Variants in PTK7 observed in about 807,000 individuals in gnomAD.
PTK7 encodes protein tyrosine kinase 7 (inactive).
PTK7 carries 39 observed loss-of-function variants against 116.6 expected under a neutral mutation model. The observed-to-expected ratio is 0.33, with a 90% CI of 0.26 to 0.44. PTK7 has a LOEUF of 0.44. PTK7 is among the 20% of genes least tolerant of loss of function. PTK7 has a pLI of 1.00. For missense variants in PTK7, 1,169 were observed against 1,425.6 expected (o/e 0.82, Z 2.90); for synonymous variants, 546 against 563.6 (o/e 0.97, Z 0.44).
chr6:43,096,360 ACTTC>A (rs1243399535), intron 1 of PTK7, among the ~76,000 whole-genome samples: 2 of 150,806 alleles, frequency 1.3e-5, no homozygotes, highest in Non-Finnish European at 2.9e-5. Context: ...CGTTTTTGTC[ACTTC>A]CTTGCAGTTG....
In PTK7 at chr6:43,160,889, G is replaced by A. The variant is rs746154538; in HGVS notation, c.*8G>A. ...GTGGACAGCAAGCCGTGAGGAGGGAGCCCGCTCAGGATGGCCTGGGCAGGG... is the reference window on the plus strand; with the variant it reads ...GTGGACAGCAAGCCGTGAGGAGGGAACCCGCTCAGGATGGCCTGGGCAGGG... On this transcript the variant is annotated 3_prime_UTR_variant, in exon 20 of 20. Coordinates refer to ENST00000230419, the MANE Select transcript of PTK7 (RefSeq NM_002821.5). The A allele has an allele frequency of 2.2e-5, 36 of 1,613,144 alleles. No homozygotes were observed. The highest frequency in any genetic ancestry group is 3.1e-5 in the Non-Finnish European group (36 of 1,179,868).
At chr6:43,153,922 T>C (rs374281309) in intron 17 of PTK7, among the ~76,000 whole-genome samples, 2 of 151,878 alleles carry the variant, frequency 1.3e-5, no homozygotes, top group African/African-American at 4.8e-5. Context: ...ATCCAGCACT[T>C]TGGGAGGCCG....
chr6:43,109,656 G>A (rs1051591382), intron 1 of PTK7, among the ~76,000 whole-genome samples: 17 of 150,600 alleles, frequency 1.1e-4, no homozygotes, highest in African/African-American at 3.7e-4. Flanking sequence ...GGTAGAACTC[G>A]TTCTAATTTA....
chr6:43,098,083 G>T (rs1450678760), intron 1 of PTK7, among the ~76,000 whole-genome samples: 1 of 152,164 alleles, frequency 6.6e-6, no homozygotes, highest in Admixed American at 6.5e-5. Context: ...TACGGTGAGG[G>T]GGTGAGGGTC....
chr6:43,112,081 C>T (rs1768223950), intron 1 of PTK7, among the ~76,000 whole-genome samples: 1 of 152,006 alleles, frequency 6.6e-6, no homozygotes, highest in South Asian at 2.1e-4. Context: ...TATTTGAATA[C>T]AGGTAGTCTG....
In PTK7 at chr6:43,129,123, G is replaced by C; in HGVS notation, c.226G>C (p.Glu76Gln). The stretch of plus-strand genomic sequence containing the variant: ...CGATGGGGCCCCTGTCCAGGACACG[G>C]AGCGGCGTTTCGCCCAGGGCAGCAG... ...LLDGAPVQDTERRFAQGSSLS... is the reference protein window; with the variant it reads ...LLDGAPVQDTQRRFAQGSSLS... The change falls in exon 2 of 20, where the codon GAG becomes CAG. Residue 76 changes from glutamate (E) to glutamine (Q), a missense_variant. Around this residue, in one of 3 missense-constraint regions of PTK7, gnomAD observed 487 missense variants for 549.8 expected, o/e 0.89. Coordinates refer to ENST00000230419, the MANE Select transcript of PTK7 (RefSeq NM_002821.5). The surrounding 1 kb of genome is among the most constrained non-coding windows in gnomAD (Gnocchi z 4.5). The C allele has an allele frequency of 6.2e-7, 1 of 1,614,204 alleles. No homozygotes were observed. The highest frequency in any genetic ancestry group is 8.5e-7 in the Non-Finnish European group (1 of 1,180,048).
At chr6:43,152,871 C>T (rs1425232680) in intron 17 of PTK7, among the ~76,000 whole-genome samples, 2 of 150,816 alleles carry the variant, frequency 1.3e-5, no homozygotes, top group South Asian at 2.1e-4. Flanking sequence ...CTGTAGCCTC[C>T]GCCTCCCAGG....
chr6:43,141,552 C>A lies in PTK7; in HGVS notation c.1619-116C>A. On this transcript the variant is annotated intron_variant, in intron 10 of 19. Transcript: ENST00000230419. The surrounding 1 kb of genome is among the most constrained non-coding windows in gnomAD (Gnocchi z 4.9). ...CTTGGCTCAGGAGTTTGGACTTTGCCTGTGGGTGGTCAGGAGCGATGGTGT... is the reference window on the plus strand; with the variant it reads ...CTTGGCTCAGGAGTTTGGACTTTGCATGTGGGTGGTCAGGAGCGATGGTGT... 7.8e-7 allele frequency: 1 copy of A among 1,283,766 alleles called. No individual in the cohort carries two copies. Among genetic ancestry groups the A allele is most frequent in the Non-Finnish European group, 1.1e-6 (1 of 926,192 alleles). The allele number at this position is 1,283,766 out of a possible 1,614,324, so 79.5% of individuals were successfully genotyped here.
At chr6:43,104,808 C>CTT (rs35126838) in intron 1 of PTK7, among the ~76,000 whole-genome samples, 1,426 of 102,818 alleles carry the variant, frequency 0.014, 57 homozygotes, top group African/African-American at 0.038. Flanking sequence ...ATTAGCACAA[C>CTT]TTTTTTTTTT....
chr6:43,103,800 T>G (rs3805935), intron 1 of PTK7, among the ~76,000 whole-genome samples: 16,702 of 152,240 alleles, frequency 0.11, 1,741 homozygotes, highest in East Asian at 0.32. Flanking sequence ...CTGCTCCACC[T>G]TCACTAACCA....
intron 17 of PTK7, among the ~76,000 whole-genome samples, chr6:43,154,161 T>A (rs1354300783): frequency 1.5e-5 from 2 of 136,034 alleles, no homozygotes; most frequent in African/African-American, 5.7e-5. Context: ...AGACTCAGTC[T>A]CTAAATAAAT....
At chr6:43,078,627 T>C (rs1215293161) in intron 1 of PTK7, among the ~76,000 whole-genome samples, 1 of 152,168 alleles carries the variant, frequency 6.6e-6, no homozygotes, top group African/African-American at 2.4e-5. Flanking sequence ...TTAATAAGGC[T>C]GGAGTAAGGA....
chr6:43,135,532 T>C (rs1769980010), intron 7 of PTK7, among the ~76,000 whole-genome samples: 1 of 152,146 alleles, frequency 6.6e-6, no homozygotes, highest in Non-Finnish European at 1.5e-5. Flanking sequence ...CAGTGAGAGT[T>C]TAGGGAAGAC....
At chr6:43,128,943 C>T (rs1561963904) in intron 1 of PTK7, 34 bp from the exon 2 acceptor site, 38 of 1,570,600 alleles carry the variant, frequency 2.4e-5, no homozygotes, top group Non-Finnish European at 3.3e-5. Flanking sequence ...TGCAGCTCCC[C>T]CTGACCCTGC....
chr6:43,142,441 C>A, intron 13 of PTK7, 142 bp downstream of exon 13: 1 of 1,275,432 alleles, frequency 7.8e-7, no homozygotes, highest in Non-Finnish European at 1.1e-6. Flanking sequence ...CACCATGCTG[C>A]TGCACAGTCT....
intron 1 of PTK7, among the ~76,000 whole-genome samples, chr6:43,123,168 G>A (rs1010864485): frequency 7.2e-5 from 11 of 152,192 alleles, no homozygotes; most frequent in Non-Finnish European, 1.2e-4. Context: ...TGTTGGCCAA[G>A]CTGGTCTCAA....
In PTK7 at chr6:43,144,489, CAAG is replaced by C. The variant is rs1417864932; in HGVS notation, c.2297_2299del (p.Glu766del). The C allele has an allele frequency of 3.7e-6, 6 of 1,614,032 alleles. No homozygotes were observed. The highest frequency in any genetic ancestry group is 3.3e-5 in the Admixed American group (2 of 59,998). ...GAACGGGCAGCCCTCAGCAGAGATC[CAAG>C]AAGAAGTGGCCTTGACCAGCTTGGG... is the stretch of plus-strand genomic sequence containing the variant. On this transcript the variant is annotated inframe_deletion, in exon 15 of 20. Coordinates refer to ENST00000230419, the MANE Select transcript of PTK7 (RefSeq NM_002821.5).
At chr6:43,128,214 G>C (rs957680669) in intron 1 of PTK7, among the ~76,000 whole-genome samples, 3 of 152,184 alleles carry the variant, frequency 2.0e-5, no homozygotes, top group Admixed American at 6.5e-5. Context: ...TTGGGGGAAG[G>C]TGGCCTGCAG....
chr6:43,157,364 A>ATATATATATATATATATTTTTTTT (rs70990168), intron 17 of PTK7, among the ~76,000 whole-genome samples: 1 of 54,366 alleles, frequency 1.8e-5, no homozygotes, highest in Non-Finnish European at 3.3e-5. Flanking sequence ...ATATATATAT[A>ATATATATATATATATATTTTTTTT]TTTTTTTTTT....
Sources: allele counts gnomAD v4.1 joint callset (sites outside exome capture counted in the v4.1 genomes callset), GRCh38; gene constraint gnomAD v4.1.1; regional missense constraint gnomAD v4.1.1; non-coding constraint Gnocchi (gnomAD v3.1); transcripts MANE v1.5; gene names NCBI Gene and HGNC (gene_info 2026-07-23, HGNC 2026-07-21).